The following CEP128 variants were observed in gnomAD, a reference collection of about 807,000 sequenced individuals.
CEP128 encodes the protein centrosomal protein 128.
CEP128 carries 132 observed loss-of-function variants against 156.7 expected under a neutral mutation model. The ratio of observed to expected loss-of-function variants is 0.84; its 90% CI spans 0.73 to 0.97. CEP128 has a LOEUF of 0.97. CEP128 is among the 50% of genes least tolerant of loss of function. The pLI is 0.00. For missense variants in CEP128, 1,252 were observed against 1,281.9 expected, an observed-to-expected ratio of 0.98 and a Z score of 0.36; for synonymous variants, 469 against 448.9, an observed-to-expected ratio of 1.04 and a Z score of -0.57.
At position 80,715,858 on chromosome 14, in the gene CEP128, CTGAG is replaced by C. The variant is rs566362810; in HGVS notation, c.2806+27213_2806+27216del. 3.3e-5 allele frequency among the ~76,000 whole-genome samples: 5 copies of C among 152,230 alleles called. No individual in the cohort carries two copies. The East Asian group carries it at 9.7e-4, about 29-fold the overall frequency. On this transcript the variant is annotated intron_variant, in intron 19 of 24. Transcript: ENST00000555265. ...CTACCTCAAAGAGTTGTGGTAAGGA[CTGAG>C]TAAGTTAGCATGTTATAGCGCTTAG...
chr14:80,531,188 T>C (rs1868631), intron 21 of CEP128, among the ~76,000 whole-genome samples: 109,844 of 152,144 alleles, frequency 0.72, 43,380 homozygotes, highest in Non-Finnish European at 0.86. Context: ...CTATTTCATA[T>C]TAATATTAAT....
intron 9 of CEP128, among the ~76,000 whole-genome samples, chr14:80,842,940 T>C: frequency 6.6e-6 from 1 of 152,068 alleles, no homozygotes; most frequent in South Asian, 2.1e-4. Context: ...AAATCTTTAA[T>C]AACAACAATT....
intron 18 of CEP128, among the ~76,000 whole-genome samples, chr14:80,750,314 A>T (rs1045919698): frequency 1.3e-5 from 2 of 152,178 alleles, no homozygotes; most frequent in Non-Finnish European, 2.9e-5. Flanking sequence ...GTCAAATCAT[A>T]GTGTAGTTGC....
At chr14:80,609,839 T>C (rs1168978695) in intron 19 of CEP128, among the ~76,000 whole-genome samples, 5 of 151,702 alleles carry the variant, frequency 3.3e-5, no homozygotes, top group Admixed American at 6.6e-5. Context: ...TTTAAAATTA[T>C]ATATGTATGT....
In CEP128 at chr14:80,785,210, C is replaced by G. The variant is rs756714600; in HGVS notation, c.1896G>C (p.Glu632Asp). The G allele has an allele frequency of 3.7e-6, 6 of 1,614,216 alleles. No homozygotes were observed. The highest frequency in any genetic ancestry group is 2.5e-6 in the Non-Finnish European group (3 of 1,180,014). ...SQAQDKAKLL[E>D]MQESIKDLSA... Reference sequence around the variant, plus strand: ...TCAGGTCCTTGATGGACTCTTGCATCTCAAGAAGTTTAGCTTTGTCCTGGG... The same window carrying G: ...TCAGGTCCTTGATGGACTCTTGCATGTCAAGAAGTTTAGCTTTGTCCTGGG... Residue 632 changes from glutamate to aspartate, a missense_variant, in exon 15 of 25, where the codon GAG becomes GAC. By Grantham distance (45) the Glu-to-Asp change is conservative. Coordinates refer to ENST00000555265, the MANE Select transcript of CEP128 (RefSeq NM_152446.5).
At chr14:80,947,508 A>G (rs1452653083) in intron 2 of CEP128, among the ~76,000 whole-genome samples, 1 of 152,136 alleles carries the variant, frequency 6.6e-6, no homozygotes, top group East Asian at 1.9e-4. Flanking sequence ...TGCAAAATTT[A>G]TTAAGATGTC....
intron 19 of CEP128, among the ~76,000 whole-genome samples, chr14:80,682,978 T>TG (rs754026878): frequency 4.0e-5 from 6 of 151,866 alleles, no homozygotes; most frequent in Admixed American, 1.3e-4. Flanking sequence ...GATAGCTAGT[T>TG]GCCCACCACC....
intron 19 of CEP128, among the ~76,000 whole-genome samples, chr14:80,618,433 G>A (rs1893321551): frequency 6.6e-6 from 1 of 152,244 alleles, no homozygotes; most frequent in Non-Finnish European, 1.5e-5. Context: ...GATGGCTCTA[G>A]CTACGCTAGA....
chr14:80,729,067 GT>G (rs1898150487), intron 19 of CEP128, among the ~76,000 whole-genome samples: 1 of 42,432 alleles, frequency 2.4e-5, no homozygotes, highest in Admixed American at 2.1e-4. Flanking sequence ...GGGTGTGTGT[GT>G]GTGTGTGTGT....
rs142949902 is a variant in CEP128, at chr14:80,704,223, T to C, written c.2806+38852A>G. Among the ~76,000 whole-genome samples the C allele has an allele frequency of 6.0e-3, 907 of 152,116 alleles. 8 individuals carry two copies. The highest frequency in any genetic ancestry group is 0.02 in the African/African-American group (851 of 41,536). ...ATTAGAAGATTTTACTAAGATTAAATTGGGACTTAAGCAGCCAGTATTCAT... is the reference window on the plus strand; with the variant it reads ...ATTAGAAGATTTTACTAAGATTAAACTGGGACTTAAGCAGCCAGTATTCAT... On this transcript the variant is annotated intron_variant, in intron 19 of 24. Transcript: ENST00000555265.
chr14:80,772,735 A>G (rs1330802419), intron 16 of CEP128, among the ~76,000 whole-genome samples: 1 of 152,016 alleles, frequency 6.6e-6, no homozygotes, highest in East Asian at 1.9e-4. Flanking sequence ...TCCCCCTCCC[A>G]TAAGAGGTTT....
At chr14:80,645,528 G>A (rs186625602) in intron 19 of CEP128, among the ~76,000 whole-genome samples, 48 of 152,190 alleles carry the variant, frequency 3.2e-4, no homozygotes, top group African/African-American at 9.4e-4. Flanking sequence ...AATAGGATAC[G>A]TAAAATGGAA....
At chr14:80,879,554 C>G (rs1888432988) in intron 8 of CEP128, among the ~76,000 whole-genome samples, 1 of 150,706 alleles carries the variant, frequency 6.6e-6, no homozygotes, top group Non-Finnish European at 1.5e-5. Flanking sequence ...ATCAATGAGA[C>G]AAGAATAAAA....
At chr14:80,656,315 A>T (rs868016427) in intron 19 of CEP128, among the ~76,000 whole-genome samples, 11 of 22,180 alleles carry the variant, frequency 5.0e-4, no homozygotes, top group African/African-American at 1.9e-3. Context: ...ATATATATAT[A>T]TATATATATA....
chr14:80,672,537 C>T (rs925771500), intron 19 of CEP128, among the ~76,000 whole-genome samples: 1 of 152,080 alleles, frequency 6.6e-6, no homozygotes, highest in South Asian at 2.1e-4. Context: ...TGTGTAGGAA[C>T]GGAAGCCATA....
chr14:80,941,976 C>A (rs537605927), upstream of CEP128, among the ~76,000 whole-genome samples: 4 of 152,008 alleles, frequency 2.6e-5, no homozygotes, highest in East Asian at 7.7e-4. Context: ...AAAGGACCAG[C>A]CTCCTTTGTA....
intron 20 of CEP128, among the ~76,000 whole-genome samples, chr14:80,574,183 T>C (rs1269471044): frequency 1.3e-5 from 2 of 152,202 alleles, no homozygotes; most frequent in Non-Finnish European, 2.9e-5. Flanking sequence ...AAATGTACTT[T>C]AGTATCTCCC....
intron 20 of CEP128, among the ~76,000 whole-genome samples, chr14:80,575,282 GACA>G (rs1891309699): frequency 6.6e-6 from 1 of 151,840 alleles, no homozygotes; most frequent in Admixed American, 6.6e-5. Flanking sequence ...AAATACTTAT[GACA>G]ACATTTAGAT....
intron 19 of CEP128, among the ~76,000 whole-genome samples, chr14:80,737,065 G>C (rs1280864453): frequency 2.6e-5 from 4 of 152,136 alleles, no homozygotes; most frequent in East Asian, 3.8e-4. Flanking sequence ...TTGACTCTAA[G>C]AGCGGGCATA....
Sources: gnomAD v4.1 joint callset for allele counts (sites outside exome capture counted in the v4.1 genomes callset) on GRCh38, gnomAD v4.1.1 for gene constraint, MANE v1.5 for transcripts, NCBI Gene and HGNC (gene_info 2026-07-23, HGNC 2026-07-21) for gene names.